Variants in ABCA12 observed in about 807,000 individuals in gnomAD.
The protein encoded by ABCA12 is glucosylceramide transporter ABCA12.
A neutral mutation model predicts 293.5 loss-of-function variants in ABCA12; 156 were observed. The observed-to-expected ratio is 0.53, with a 90% CI of 0.47 to 0.61. ABCA12 has a LOEUF of 0.61. Among genes scored for constraint, ABCA12 ranks in the 20% least tolerant of loss-of-function variants. The pLI, the probability that ABCA12 is intolerant of heterozygous loss-of-function variation, is 0.00. For missense variants in ABCA12, 2,797 were observed against 3,090.2 expected, an observed-to-expected ratio of 0.91 and a Z score of 2.25; for synonymous variants, 1,063 against 1,108.0, an observed-to-expected ratio of 0.96 and a Z score of 0.81.
chr2:215,056,422 A>C (rs1332411072), intron 3 of ABCA12, among the ~76,000 whole-genome samples: 1 of 152,094 alleles, frequency 6.6e-6, no homozygotes, highest in East Asian at 1.9e-4. Context: ...GCTCCTAGAC[A>C]AGGACGCACA....
chr2:215,104,617 T>G (rs1702425053), intron 2 of ABCA12, among the ~76,000 whole-genome samples: 1 of 152,204 alleles, frequency 6.6e-6, no homozygotes, highest in Non-Finnish European at 1.5e-5. Context: ...TGTTGGTATG[T>G]GAAGGGTCAG....
chr2:215,104,079 G>T (rs1271283495), intron 2 of ABCA12, among the ~76,000 whole-genome samples: 1 of 152,068 alleles, frequency 6.6e-6, no homozygotes, highest in Non-Finnish European at 1.5e-5. Flanking sequence ...CTGAGAGGAG[G>T]CCCTGTCTGA....
rs572909723 is a variant in ABCA12 at position 215,034,797 on chromosome 2, T to C, written c.985+2156A>G. ...TTTAGATGATAAAATGAATTTCAGATACTAAAGTACTGAGCATTGATACAA... is the reference window on the plus strand; with the variant it reads ...TTTAGATGATAAAATGAATTTCAGACACTAAAGTACTGAGCATTGATACAA... On this transcript the variant is annotated intron_variant, in intron 8 of 52. Transcript: ENST00000272895. 3.3e-5 allele frequency among the ~76,000 whole-genome samples: 5 copies of C among 152,338 alleles called. No homozygotes were observed. In the South Asian group the frequency reaches 1.0e-3, roughly 32 times the overall value.
At chr2:215,127,846 G>A (rs915653572) in intron 1 of ABCA12, among the ~76,000 whole-genome samples, 3 of 151,972 alleles carry the variant, frequency 2.0e-5, no homozygotes. Context: ...AATTTCCTGT[G>A]TACTTTCTTT....
intron 45 of ABCA12, among the ~76,000 whole-genome samples, chr2:214,949,569 C>T (rs1422271038): frequency 6.6e-6 from 1 of 152,132 alleles, no homozygotes; most frequent in Non-Finnish European, 1.5e-5. Context: ...ATAGTTTCTT[C>T]GTACTGTCAA....
At chr2:215,112,246 G>A (rs1017388833) in intron 1 of ABCA12, among the ~76,000 whole-genome samples, 13 of 151,486 alleles carry the variant, frequency 8.6e-5, no homozygotes, top group African/African-American at 3.1e-4. Context: ...AAGTAAAAAG[G>A]AACTTCAAGT....
rs775920671 is a variant in ABCA12 at position 214,987,785 on chromosome 2, C to G, written c.3838G>C (p.Gly1280Arg). The change falls in exon 27 of 53, where the codon GGT becomes CGT. Residue 1280 changes from glycine (G) to arginine (R), a missense_variant. Gly to Arg is a moderately radical substitution (Grantham distance 125). Coordinates refer to ENST00000272895, the MANE Select transcript of ABCA12 (RefSeq NM_173076.3). Reference sequence around the variant, plus strand: ...GGAAAATACCAGGGAGCTGCCATACCGTATGTCCCTGGAATAAAAATATAT... The same window carrying G: ...GGAAAATACCAGGGAGCTGCCATACGGTATGTCCCTGGAATAAAAATATAT... ...YVRNVFPGTY[G>R]MAAPWYFPIL... is the part of the protein sequence containing the mutation. The G allele has an allele frequency of 9.3e-6, 15 of 1,613,392 alleles. No individual in the cohort carries two copies. The highest frequency in any genetic ancestry group is 1.1e-5 in the Non-Finnish European group (13 of 1,179,802).
At chr2:215,025,647 G>A (rs10167414) in intron 11 of ABCA12, 26 bp downstream of exon 11, 196 of 1,156,406 alleles carry the variant, frequency 1.7e-4, no homozygotes, top group Non-Finnish European at 1.2e-4. Flanking sequence ...TTTGTTTTTT[G>A]TTTTTTTTTT....
intron 7 of ABCA12, among the ~76,000 whole-genome samples, chr2:215,043,246 T>C (rs544470951): frequency 7.9e-4 from 121 of 152,344 alleles, no homozygotes; most frequent in Non-Finnish European, 2.8e-4. Context: ...AGATCTTTTG[T>C]CCATTTTAAA....
chr2:214,934,435 A>G (rs1383187431), intron 51 of ABCA12, among the ~76,000 whole-genome samples: 1 of 152,200 alleles, frequency 6.6e-6, no homozygotes, highest in East Asian at 1.9e-4. Flanking sequence ...AAGTTCATGA[A>G]AACTCCAAAG....
chr2:215,055,803 A>G (rs916303181), intron 3 of ABCA12, among the ~76,000 whole-genome samples: 1 of 152,058 alleles, frequency 6.6e-6, no homozygotes, highest in Non-Finnish European at 1.5e-5. Flanking sequence ...CATTCTTAAT[A>G]TATATTTGAA....
chr2:214,958,501 C>T (rs2105937101), intron 40 of ABCA12, 47 bp from the exon 41 acceptor site: 2 of 1,590,928 alleles, frequency 1.3e-6, no homozygotes, highest in South Asian at 2.2e-5. Flanking sequence ...GTTTTTGAAA[C>T]TCTTTTCCTT....
At position 214,959,036 on chromosome 2, in the gene ABCA12, T is replaced by A. The variant is rs558563793; in HGVS notation, c.5927A>T (p.Gln1976Leu). The A allele has an allele frequency of 9.6e-5, 155 of 1,613,878 alleles. 1 individual carries two copies. The South Asian group carries it at 1.6e-3, about 17-fold the overall frequency. Residue 1976 changes from glutamine to leucine, a missense_variant, in exon 40 of 53, where the codon CAA (glutamine) becomes CTA (leucine). Coordinates refer to ENST00000272895, the MANE Select transcript of ABCA12 (RefSeq NM_173076.3). ...GATATCTGCTTACGTGGCTTGTTCT[T>A]GGTCTTGCACTCCTGGATAAGGATG... ...YSHPYPGVQD[Q>L]EQATISSLID...
intron 28 of ABCA12, among the ~76,000 whole-genome samples, chr2:214,984,094 C>T (rs1271321640): frequency 4.3e-5 from 4 of 92,956 alleles, no homozygotes; most frequent in Middle Eastern, 0.013. Context: ...ACGATCAGGC[C>T]TTTTTTTTTT....
At chr2:214,979,345 A>G (rs564805220) in intron 31 of ABCA12, among the ~76,000 whole-genome samples, 43 of 152,134 alleles carry the variant, frequency 2.8e-4, no homozygotes, top group Admixed American at 2.6e-3. Context: ...GGGTCCTTGC[A>G]ACTGGTGGTC....
At chr2:215,006,182 G>A (rs986739002) in intron 19 of ABCA12, among the ~76,000 whole-genome samples, 12 of 152,160 alleles carry the variant, frequency 7.9e-5, no homozygotes, top group African/African-American at 2.7e-4. Flanking sequence ...AACACATCCT[G>A]TTAATTCACC....
chr2:215,068,760 T>C (rs1701682219), intron 2 of ABCA12, among the ~76,000 whole-genome samples: 1 of 152,156 alleles, frequency 6.6e-6, no homozygotes, highest in Non-Finnish European at 1.5e-5. Flanking sequence ...TCTGTATTCA[T>C]TGATGCAGCC....
At chr2:215,135,156 G>C (rs909646667) in intron 1 of ABCA12, among the ~76,000 whole-genome samples, 17 of 151,956 alleles carry the variant, frequency 1.1e-4, no homozygotes, top group Middle Eastern at 6.8e-3. Context: ...GTAGAGTTTT[G>C]CCATATTGGC....
intron 50 of ABCA12, among the ~76,000 whole-genome samples, chr2:214,939,480 G>GT (rs1463862112): frequency 1.2e-4 from 19 of 152,116 alleles, no homozygotes; most frequent in African/African-American, 4.6e-4. Flanking sequence ...ATTTAAAGTA[G>GT]TTTTTTCTAA....
Sources: gnomAD v4.1 joint callset for allele counts (sites outside exome capture counted in the v4.1 genomes callset) on GRCh38, gnomAD v4.1.1 for gene constraint, MANE v1.5 for transcripts, NCBI Gene and HGNC (gene_info 2026-07-23, HGNC 2026-07-21) for gene names.